Variants in C8orf34 observed in about 807,000 individuals in gnomAD.
The protein encoded by C8orf34 is chromosome 8 open reading frame 34.
Under a neutral mutation model 68.3 loss-of-function variants are expected in C8orf34, and 65 were observed. The observed-to-expected ratio is 0.95, with a 90% CI of 0.78 to 1.17. The LOEUF is 1.17. Among genes scored for constraint, C8orf34 ranks in the 50% most tolerant of loss-of-function variants. C8orf34 has a pLI of 0.00. For synonymous variants in C8orf34, 244 were observed against 241.2 expected (o/e 1.01, Z -0.11); for missense variants, 664 against 655.4 (o/e 1.01, Z -0.14).
chr8:68,760,708 T>G (rs1823000839), intron 10 of C8orf34, among the ~76,000 whole-genome samples: 2 of 152,234 alleles, frequency 1.3e-5, no homozygotes, highest in Non-Finnish European at 2.9e-5. Flanking sequence ...GGAGTTCATT[T>G]GTCCATAATA....
chr8:68,689,902 G>T lies in C8orf34; in HGVS notation c.1242-19092G>T, dbSNP rs114931463. Among the ~76,000 whole-genome samples the T allele has an allele frequency of 4.4e-3, 662 of 152,134 alleles. 10 individuals carry two copies. Among genetic ancestry groups the T allele is most frequent in the African/African-American group, 0.015 (625 of 41,548 alleles). On this transcript the variant is annotated intron_variant, in intron 8 of 13. Coordinates refer to ENST00000518698, the MANE Select transcript of C8orf34 (RefSeq NM_052958.4). The stretch of plus-strand genomic sequence containing the variant: ...CTGCTTAAGGTCAAAAGCCTATCAG[G>T]TGCCACTGGTGGAAATTTAAACCCT...
At chr8:68,637,464 C>A (rs992277719) in intron 7 of C8orf34, among the ~76,000 whole-genome samples, 2 of 151,880 alleles carry the variant, frequency 1.3e-5, no homozygotes, top group South Asian at 2.1e-4. Context: ...TTTTAAAGTG[C>A]ATGATGTATG....
Position 68,521,069 on chromosome 8 carries a change from G to T in C8orf34, c.766-730G>T, listed in dbSNP as rs978871963. 8.5e-5 allele frequency among the ~76,000 whole-genome samples: 13 copies of T among 152,268 alleles called. No homozygotes were observed. In the East Asian group the frequency reaches 2.3e-3, roughly 27 times the overall value. On this transcript the variant is annotated intron_variant, in intron 5 of 13. Transcript: ENST00000518698. ...GTCTTAATAAATATTAGAGAGTGAA[G>T]AAATGAATGAATTAGTGAACAAGAA...
At chr8:68,718,335 T>C (rs1381873123) in intron 9 of C8orf34, among the ~76,000 whole-genome samples, 1 of 152,170 alleles carries the variant, frequency 6.6e-6, no homozygotes, top group Non-Finnish European at 1.5e-5. Flanking sequence ...TCTTTACCTA[T>C]ATATATCCTT....
At chr8:68,802,375 C>G (rs1387622164) in intron 12 of C8orf34, among the ~76,000 whole-genome samples, 1 of 152,188 alleles carries the variant, frequency 6.6e-6, no homozygotes, top group Non-Finnish European at 1.5e-5. Flanking sequence ...GCTGGGATTA[C>G]AGGCGTGAGC....
intron 1 of C8orf34, among the ~76,000 whole-genome samples, chr8:68,387,142 G>T (rs764531321): frequency 5.3e-5 from 8 of 152,062 alleles, no homozygotes; most frequent in African/African-American, 7.2e-5. Context: ...GAAGGTGAAA[G>T]GTGGTGATGG....
At chr8:68,606,712 C>A (rs530813501) in intron 7 of C8orf34, among the ~76,000 whole-genome samples, 6 of 151,952 alleles carry the variant, frequency 3.9e-5, no homozygotes, top group Admixed American at 3.9e-4. Flanking sequence ...AGGCAATGAT[C>A]ACTGGATTTT....
At chr8:68,553,695 T>A (rs926541627) in intron 7 of C8orf34, among the ~76,000 whole-genome samples, 1 of 152,122 alleles carries the variant, frequency 6.6e-6, no homozygotes, top group Non-Finnish European at 1.5e-5. Context: ...GTAGCCCCCT[T>A]TTTTATTTCT....
At chr8:68,389,440 T>C (rs554945806) in intron 1 of C8orf34, among the ~76,000 whole-genome samples, 8 of 152,262 alleles carry the variant, frequency 5.3e-5, no homozygotes, top group South Asian at 2.1e-4. Context: ...ATCATCCCAG[T>C]GCATGTAGGA....
At chr8:68,724,429 G>T (rs1272816714) in intron 10 of C8orf34, among the ~76,000 whole-genome samples, 1 of 152,140 alleles carries the variant, frequency 6.6e-6, no homozygotes, top group Non-Finnish European at 1.5e-5. Context: ...AACTTTCCAT[G>T]TTGAATATTG....
chr8:68,650,028 T>A (rs1819298139), intron 8 of C8orf34, among the ~76,000 whole-genome samples: 1 of 147,836 alleles, frequency 6.8e-6, no homozygotes, highest in South Asian at 2.2e-4. Context: ...AATATACATT[T>A]AAATTCAGAG....
chr8:68,337,763 C>T (rs996062756), intron 1 of C8orf34, among the ~76,000 whole-genome samples: 4 of 152,090 alleles, frequency 2.6e-5, no homozygotes, highest in Admixed American at 6.5e-5. Flanking sequence ...AATGTTTATA[C>T]GAGGAAATGG....
Position 68,743,819 on chromosome 8 carries a change from C to G in C8orf34, c.1404+22382C>G, listed in dbSNP as rs1178742364. Among the ~76,000 whole-genome samples, 5 of 152,356 alleles carry G rather than the reference C, an allele frequency of 3.3e-5. No homozygotes were observed. The East Asian group carries it at 5.8e-4, about 18-fold the overall frequency. ...GCAAGGCTGGGGGAGGGGCGCCCAC[C>G]ATTGCCCAGGCTTGCTTAGGTAAAC... is the stretch of plus-strand genomic sequence containing the variant. On this transcript the variant is annotated intron_variant, in intron 10 of 13. Transcript: ENST00000518698.
intron 3 of C8orf34, among the ~76,000 whole-genome samples, chr8:68,460,403 T>G (rs1222977547): frequency 2.0e-5 from 3 of 152,210 alleles, no homozygotes; most frequent in African/African-American, 7.2e-5. Flanking sequence ...CTCTGCAGAC[T>G]TAAATATCCC....
chr8:68,452,131 T>C (rs1036621660), intron 3 of C8orf34, among the ~76,000 whole-genome samples: 1 of 151,974 alleles, frequency 6.6e-6, no homozygotes, highest in Non-Finnish European at 1.5e-5. Flanking sequence ...GATGGGTATT[T>C]TGTTTGCTTC....
intron 1 of C8orf34, among the ~76,000 whole-genome samples, chr8:68,393,567 G>A (rs1808561454): frequency 6.8e-6 from 1 of 146,074 alleles, no homozygotes; most frequent in South Asian, 2.2e-4. Flanking sequence ...AGAATGGCAT[G>A]GGGAAAGAAA....
rs546853912 is a variant in C8orf34 at position 68,717,783 on chromosome 8, A to C, written c.1328-3578A>C. On this transcript the variant is annotated intron_variant, in intron 9 of 13. Transcript: ENST00000518698. ...GTAATAAATATTAAAAAAACTGCTAAGGGAACATAAACCAATGTTAATGTA... is the reference window on the plus strand; with the variant it reads ...GTAATAAATATTAAAAAAACTGCTACGGGAACATAAACCAATGTTAATGTA... 2.2e-4 allele frequency among the ~76,000 whole-genome samples: 34 copies of C among 152,326 alleles called. 1 individual carries two copies. The South Asian group carries it at 7.1e-3, about 32-fold the overall frequency.
rs181120379 is a variant in C8orf34, at chr8:68,497,555, T to A, written c.765+9504T>A. ...TAGCAAAAATACAAAAAGACCTATA[T>A]GTGTGGCTGTACCTTGTCATACTAT... On this transcript the variant is annotated intron_variant, in intron 5 of 13. Coordinates refer to ENST00000518698, the MANE Select transcript of C8orf34 (RefSeq NM_052958.4). 2.0e-5 allele frequency among the ~76,000 whole-genome samples: 3 copies of A among 152,274 alleles called. No individual in the cohort carries two copies. The East Asian group carries it at 5.8e-4, about 29-fold the overall frequency.
intron 11 of C8orf34, among the ~76,000 whole-genome samples, chr8:68,782,658 G>A (rs1823713379): frequency 6.6e-6 from 1 of 152,086 alleles, no homozygotes. Flanking sequence ...TTTCTGCTGT[G>A]GAGCCCATCT....
Sources: gnomAD v4.1 joint callset for allele counts (sites outside exome capture counted in the v4.1 genomes callset) on GRCh38, gnomAD v4.1.1 for gene constraint, MANE v1.5 for transcripts, NCBI Gene and HGNC (gene_info 2026-07-23, HGNC 2026-07-21) for gene names.